Variants in NPAS2 observed in about 807,000 individuals in gnomAD.
The protein encoded by NPAS2 is neuronal PAS domain protein 2, also known as neuronal PAS domain-containing protein 2.
Under a neutral mutation model 107.5 loss-of-function variants are expected in NPAS2, and 23 were observed. The observed-to-expected ratio is 0.21, with a 90% confidence interval of 0.15 to 0.30. The LOEUF (loss-of-function observed/expected upper bound fraction) is 0.30. Ranked by LOEUF, NPAS2 falls within the 10% of genes least tolerant of loss-of-function variation. The pLI is 1.00. For missense variants in NPAS2, 756 were observed against 1,043.3 expected, an observed-to-expected ratio of 0.72 and a Z score of 3.79; for synonymous variants, 403 against 417.5, an observed-to-expected ratio of 0.97 and a Z score of 0.42.
chr2:100,969,772 C>G (rs1031511802), intron 11 of NPAS2, among the ~76,000 whole-genome samples: 1 of 152,122 alleles, frequency 6.6e-6, no homozygotes, highest in African/African-American at 2.4e-5. Context: ...GGCTACACAC[C>G]TGTACAGCAT....
At position 100,988,416 on chromosome 2, in the gene NPAS2, G is replaced by A. The variant is rs1374811132; in HGVS notation, c.1827+140G>A. 5.8e-6 allele frequency: 4 copies of A among 689,968 alleles called. No individual in the cohort carries two copies. The East Asian group carries it at 1.1e-4, about 19-fold the overall frequency. 42.7% of individuals were successfully genotyped at this position (689,968 alleles called of 1,614,324 possible). On this transcript the variant is annotated intron_variant, in intron 17 of 20. Transcript: ENST00000335681. ...CGTTATGGACTGAGGGTAGATTTGG[G>A]AGTGAGCCTTCTTTTCCTTCTTCTG...
intron 1 of NPAS2, among the ~76,000 whole-genome samples, chr2:100,839,541 G>C (rs568253427): frequency 1.3e-5 from 2 of 152,220 alleles, no homozygotes; most frequent in South Asian, 2.1e-4. Context: ...TTTATTTTAA[G>C]AATATGGGGT....
At chr2:100,825,099 C>T (rs937777464) in intron 1 of NPAS2, among the ~76,000 whole-genome samples, 2 of 152,198 alleles carry the variant, frequency 1.3e-5, no homozygotes, top group African/African-American at 4.8e-5. Flanking sequence ...ATAATGTTCC[C>T]AGACCACTGA....
intron 1 of NPAS2, among the ~76,000 whole-genome samples, chr2:100,889,744 C>A (rs953059253): frequency 2.0e-5 from 3 of 152,162 alleles, no homozygotes; most frequent in Non-Finnish European, 4.4e-5. Context: ...CCAACACAAC[C>A]AACCAGGGTT....
At chr2:100,893,420 A>C (rs986658472) in intron 1 of NPAS2, among the ~76,000 whole-genome samples, 1 of 152,188 alleles carries the variant, frequency 6.6e-6, no homozygotes, top group Non-Finnish European at 1.5e-5. Context: ...AAATTCTACC[A>C]GGCTTGGTTG....
chr2:100,875,811 G>T (rs944290796), intron 1 of NPAS2, among the ~76,000 whole-genome samples: 3 of 152,166 alleles, frequency 2.0e-5, no homozygotes, highest in African/African-American at 7.2e-5. Flanking sequence ...CTTTCCCAGG[G>T]TTATTTTTCC....
At position 100,846,368 on chromosome 2, in the gene NPAS2, G is replaced by A. The variant is rs533824946; in HGVS notation, c.-23+25954G>A. On this transcript the variant is annotated intron_variant, in intron 1 of 20. Transcript: ENST00000335681. ...AATAAACTCTAAAAATGTGATGTTG[G>A]GTTTTGAAAGACATCTGTAATTTTT... Among the ~76,000 whole-genome samples, 25 of 152,248 alleles carry A rather than the reference G, an allele frequency of 1.6e-4. No homozygotes were observed. In the South Asian group the frequency reaches 4.4e-3, roughly 27 times the overall value.
chr2:100,948,368 T>C lies in NPAS2; in HGVS notation c.484+13T>C. On this transcript the variant is annotated intron_variant, in intron 6 of 20. Coordinates refer to ENST00000335681, the MANE Select transcript of NPAS2 (RefSeq NM_002518.4). Reference sequence around the variant, plus strand: ...GAATACTTAAAATGTAAGTTTAATTTTTCTGGTTTTACAAGCTAGAAAGAT... The same window carrying C: ...GAATACTTAAAATGTAAGTTTAATTCTTCTGGTTTTACAAGCTAGAAAGAT... 6.3e-7 allele frequency: 1 copy of C among 1,586,582 alleles called. No homozygotes were observed. Among genetic ancestry groups the C allele is most frequent in the Non-Finnish European group, 8.6e-7 (1 of 1,167,862 alleles).
chr2:100,843,878 G>A (rs1345333159), intron 1 of NPAS2, among the ~76,000 whole-genome samples: 1 of 152,192 alleles, frequency 6.6e-6, no homozygotes, highest in African/African-American at 2.4e-5. Context: ...TGGCAAATGA[G>A]AAGATGGTGT....
intron 1 of NPAS2, among the ~76,000 whole-genome samples, chr2:100,854,667 C>A (rs572869160): frequency 6.5e-4 from 99 of 152,332 alleles, no homozygotes; most frequent in East Asian, 6.4e-3. Flanking sequence ...GTCAGGTGCT[C>A]ACCCTGCGAG....
chr2:100,915,917 G>T (rs1444745247), intron 2 of NPAS2, among the ~76,000 whole-genome samples: 1 of 152,172 alleles, frequency 6.6e-6, no homozygotes, highest in African/African-American at 2.4e-5. Context: ...TTTAGTGTAT[G>T]TATAGATAGT....
At chr2:100,913,774 C>G (rs374499293) in intron 2 of NPAS2, among the ~76,000 whole-genome samples, 1 of 152,156 alleles carries the variant, frequency 6.6e-6, no homozygotes, top group African/African-American at 2.4e-5. Context: ...GTACCTGCAC[C>G]ACTATGCATG....
At chr2:100,840,737 T>G (rs928724351) in intron 1 of NPAS2, among the ~76,000 whole-genome samples, 6 of 151,884 alleles carry the variant, frequency 4.0e-5, no homozygotes, top group African/African-American at 1.5e-4. Flanking sequence ...TTCACAGTGG[T>G]GGGGCAGGGA....
In NPAS2 at chr2:100,938,191, G is replaced by C. The variant is rs373216080; in HGVS notation, c.363+349G>C. On this transcript the variant is annotated intron_variant, in intron 5 of 20. Transcript: ENST00000335681. ...ATCATGGAGGCTGACAGACATCCAG[G>C]GTCACCTGACAGCTGATCAAGGGAG... Among the ~76,000 whole-genome samples, 11 of 152,312 alleles carry C rather than the reference G, an allele frequency of 7.2e-5. No homozygotes were observed. The East Asian group carries it at 1.9e-3, about 27-fold the overall frequency.
At chr2:100,874,417 G>A (rs1443466451) in intron 1 of NPAS2, among the ~76,000 whole-genome samples, 2 of 152,092 alleles carry the variant, frequency 1.3e-5, no homozygotes, top group African/African-American at 4.8e-5. Context: ...CCAAGAAGCT[G>A]AGAATTCTCA....
At chr2:100,930,574 T>C (rs1683870583) in intron 3 of NPAS2, among the ~76,000 whole-genome samples, 1 of 152,220 alleles carries the variant, frequency 6.6e-6, no homozygotes. Flanking sequence ...TGAATTTTAC[T>C]TCCCAGTGTA....
At chr2:100,826,139 A>T (rs895943238) in intron 1 of NPAS2, among the ~76,000 whole-genome samples, 1 of 152,210 alleles carries the variant, frequency 6.6e-6, no homozygotes, top group Non-Finnish European at 1.5e-5. Flanking sequence ...ATACACACAC[A>T]TATGTACACT....
Position 100,937,758 on chromosome 2 carries a change from A to T in NPAS2, c.279A>T (p.Leu93Phe), listed in dbSNP as rs760347031. Residue 93 changes from leucine to phenylalanine, a missense_variant, in exon 5 of 21, where the codon TTA becomes TTT. Physicochemically the swap from Leu to Phe is conservative, Grantham distance 22. Transcript: ENST00000335681. ...EEFTQLMLEA[L>F]DGFIIAVTTD... ...AAATGTTGCATTTTCCACAGGCATT[A>T]GATGGCTTCATTATCGCAGTGACAA... 6.2e-7 allele frequency: 1 copy of T among 1,613,556 alleles called. No homozygotes were observed. Among genetic ancestry groups the T allele is most frequent in the African/African-American group, 1.3e-5 (1 of 74,942 alleles).
chr2:100,993,745 T>C (rs1247977573), intron 20 of NPAS2: 2 of 429,128 alleles, frequency 4.7e-6, no homozygotes, highest in Non-Finnish European at 8.1e-6. Flanking sequence ...TCGGCTATTA[T>C]GCCTTATGTG....
Sources: allele counts gnomAD v4.1 joint callset (sites outside exome capture counted in the v4.1 genomes callset), GRCh38; gene constraint gnomAD v4.1.1; transcripts MANE v1.5; gene names NCBI Gene and HGNC (gene_info 2026-07-23, HGNC 2026-07-21).